ENTR1: variants seen among roughly 807,000 people sequenced by gnomAD.
ENTR1 encodes the protein endosome associated trafficking regulator 1, also known as endosome-associated-trafficking regulator 1.
In ENTR1, 47 loss-of-function variants were observed where a neutral mutation model predicts 47.9. The ratio of observed to expected loss-of-function variants is 0.98; its 90% CI spans 0.78 to 1.25. The LOEUF (loss-of-function observed/expected upper bound fraction) is 1.25, where lower values mean the gene tolerates loss of function less well. Among genes scored for constraint, ENTR1 ranks in the 50% most tolerant of loss-of-function variants. ENTR1 has a pLI of 0.00. For missense variants in ENTR1, 668 were observed against 570.5 expected (o/e 1.17, Z -1.74); for synonymous variants, 290 against 245.8 (o/e 1.18, Z -1.68).
Position 136,410,244 on chromosome 9 carries a change from A to G in ENTR1, c.71-5T>C. The G allele has an allele frequency of 6.4e-7, 1 of 1,568,164 alleles. No homozygotes were observed. The highest frequency in any genetic ancestry group is 1.2e-5 in the South Asian group (1 of 85,806). Reference sequence around the variant, plus strand: ...GGCGCTCATAGAACGCTGGAGCTGGAAGCAACGACAACAGCGACTTTACTG... The same window carrying G: ...GGCGCTCATAGAACGCTGGAGCTGGGAGCAACGACAACAGCGACTTTACTG... On this transcript the variant is annotated splice_polypyrimidine_tract_variant and splice_region_variant and intron_variant, in intron 1 of 9. Transcript: ENST00000357365.
chr9:136,405,514 G>A lies in ENTR1; in HGVS notation c.894-312C>T, dbSNP rs1436384078. Among the ~76,000 whole-genome samples the A allele has an allele frequency of 2.6e-5, 4 of 152,240 alleles. No individual in the cohort carries two copies. In the East Asian group the frequency reaches 7.7e-4, roughly 29 times the overall value. The stretch of plus-strand genomic sequence containing the variant: ...ACACTTTAGGAGCCTGAGGCAGGAG[G>A]ATTCCTTGAGCCGAGGAGTTTGAGA... On this transcript the variant is annotated intron_variant, in intron 6 of 9. Coordinates refer to ENST00000357365, the MANE Select transcript of ENTR1 (RefSeq NM_001039707.2).
chr9:136,403,079 G>C (rs1437048572), intron 9 of ENTR1, among the ~76,000 whole-genome samples, 192 bp from the exon 10 acceptor site: 9 of 122,012 alleles, frequency 7.4e-5, no homozygotes, highest in African/African-American at 2.6e-4. Context: ...TTTCCACAGG[G>C]GGTGGGGGGC....
chr9:136,409,864 G>A (rs1383929690), intron 2 of ENTR1: 1 of 690,478 alleles, frequency 1.4e-6, no homozygotes. Flanking sequence ...TGTGCTCCCC[G>A]GGCACTAACC....
intron 9 of ENTR1, 74 bp downstream of exon 9, chr9:136,403,981 C>T (rs537958106): frequency 6.7e-7 from 1 of 1,487,966 alleles, no homozygotes. Context: ...TGGGCCCCCA[C>T]CCAGGATCAC....
intron 5 of ENTR1, 96 bp from the exon 6 acceptor site, chr9:136,406,074 G>C (rs1327178250): frequency 1.2e-6 from 1 of 803,066 alleles, no homozygotes; most frequent in Non-Finnish European, 2.0e-6. Flanking sequence ...CTGATAAGCA[G>C]AGATGCTGGG....
chr9:136,410,310 G>GGCCCCT lies in ENTR1; in HGVS notation c.70+12_70+17dup, dbSNP rs1835038801. 2 of 1,549,650 alleles carry GGCCCCT rather than the reference G, an allele frequency of 1.3e-6. No individual in the cohort carries two copies. Among genetic ancestry groups the GGCCCCT allele is most frequent in the East Asian group, 4.9e-5 (2 of 40,902 alleles). The stretch of plus-strand genomic sequence containing the variant: ...GCCGCCCACCTGGACCGCTGGACTC[G>GGCCCCT]GCCCCTGCCCCGCTCACCGTCGGGA... On this transcript the variant is annotated intron_variant, in intron 1 of 9. Coordinates refer to ENST00000357365, the MANE Select transcript of ENTR1 (RefSeq NM_001039707.2).
At position 136,410,525 on chromosome 9, in the gene ENTR1, G is replaced by A. The variant is rs968257859; in HGVS notation, c.-128C>T. 16 of 1,034,488 alleles carry A rather than the reference G, an allele frequency of 1.5e-5. No individual in the cohort carries two copies. The highest frequency in any genetic ancestry group is 1.6e-5 in the Non-Finnish European group (13 of 828,714). The allele number at this position is 1,034,488 out of a possible 1,614,324, so 64.1% of individuals were successfully genotyped here. ...CGCCCCCGTCGCCCGCCGCTCGGCC[G>A]CCCCCGCGCCTCCGAGCCTCTCGCC... is the stretch of plus-strand genomic sequence containing the variant. On this transcript the variant is annotated 5_prime_UTR_variant, in exon 1 of 10. Transcript: ENST00000357365.
At chr9:136,405,228 T>TAA in intron 6 of ENTR1, 26 bp from the exon 7 acceptor site, 1 of 1,566,272 alleles carries the variant, frequency 6.4e-7, no homozygotes, top group South Asian at 1.1e-5. Context: ...CCCGAGTTGT[T>TAA]AATTTCTGTG....
At position 136,404,731 on chromosome 9, in the gene ENTR1, T is replaced by G. The variant is rs754964473; in HGVS notation, c.1006-38A>C. On this transcript the variant is annotated intron_variant, in intron 7 of 9. Transcript: ENST00000357365. ...AAAGAAAAACCACAAAAAGCATCAC[T>G]GATGTCCTCACATTCATACCGGACA... The G allele has an allele frequency of 5.0e-6, 8 of 1,607,200 alleles. No homozygotes were observed. In the East Asian group the frequency reaches 1.8e-4, roughly 36 times the overall value.
At position 136,405,945 on chromosome 9, in the gene ENTR1, G is replaced by A; in HGVS notation, c.853C>T (p.Leu285=). 4 of 1,607,886 alleles carry A rather than the reference G, an allele frequency of 2.5e-6. No individual in the cohort carries two copies. The highest frequency in any genetic ancestry group is 3.4e-6 in the Non-Finnish European group (4 of 1,177,592). The part of the protein sequence containing the change: ...KDENSKLRRK[L]NEVQSFSEAQ... ...TCAGAGAAGCTCTGAACCTCATTCA[G>A]CTTTCTTCTCAGCTTAGAATTTTCA... Residue 285 remains leucine, a synonymous_variant, in exon 6 of 10, where the codon CTG becomes TTG. Coordinates refer to ENST00000357365, the MANE Select transcript of ENTR1 (RefSeq NM_001039707.2).
In ENTR1 at chr9:136,410,494, G is replaced by A; in HGVS notation, c.-97C>T. The A allele has an allele frequency of 4.2e-6, 4 of 956,426 alleles. No individual in the cohort carries two copies. The highest frequency in any genetic ancestry group is 5.1e-6 in the Non-Finnish European group (4 of 789,044). The allele number at this position is 956,426 out of a possible 1,614,324, so 59.2% of individuals were successfully genotyped here. ...GCCGCGGCCCGCGTCGCCCGCCCCC[G>A]TCGCCCGCCCCCGTCGCCCGCCGCT... On this transcript the variant is annotated 5_prime_UTR_variant, in exon 1 of 10. The change creates a new upstream start codon in the 5' untranslated region. Coordinates refer to ENST00000357365, the MANE Select transcript of ENTR1 (RefSeq NM_001039707.2).
At position 136,407,273 on chromosome 9, in the gene ENTR1, C is replaced by T. The variant is rs1181303088; in HGVS notation, c.691G>A (p.Ala231Thr). 1 of 1,612,922 alleles carries T rather than the reference C, an allele frequency of 6.2e-7. No homozygotes were observed. Among genetic ancestry groups the T allele is most frequent in the South Asian group, 1.1e-5 (1 of 91,052 alleles). Residue 231 changes from alanine (A) to threonine (T), a missense_variant, in exon 5 of 10, where the codon GCG becomes ACG. By Grantham distance (58) the Ala-to-Thr change is moderately conservative. Transcript: ENST00000357365. ...ACGCGAGAATCAGTGTCACTCAACG[C>T]CCACGAGGGCAGAGACTCAGGCCCT... ...LAGPESLPSW[A>T]LSDTDSRVSP...
In ENTR1 at chr9:136,405,163, G is replaced by T; in HGVS notation, c.933C>A (p.Ile311=). The change falls in exon 7 of 10, where the codon ATC becomes ATA. Residue 311 remains isoleucine, a synonymous_variant. Transcript: ENST00000357365. ...TLERKLEAKM[I]KEESDYHDLE... is the part of the protein sequence containing the mutation. ...GGTCGTGGTAGTCGCTTTCCTCCTTGATCATTTTTGCTTCTAACTTCCGCT... is the reference window on the plus strand; with the variant it reads ...GGTCGTGGTAGTCGCTTTCCTCCTTTATCATTTTTGCTTCTAACTTCCGCT... 1 of 1,613,994 alleles carries T rather than the reference G, an allele frequency of 6.2e-7. No homozygotes were observed. The highest frequency in any genetic ancestry group is 1.1e-5 in the South Asian group (1 of 91,074).
At chr9:136,406,130 C>T (rs770769099) in intron 5 of ENTR1, 152 bp from the exon 6 acceptor site, 35 of 495,724 alleles carry the variant, frequency 7.1e-5, no homozygotes, top group Non-Finnish European at 1.0e-4. Context: ...AGACCACAGA[C>T]GGAGGCAGGC....
At position 136,407,095 on chromosome 9, in the gene ENTR1, A is replaced by G. The variant is rs1588790224; in HGVS notation, c.819+50T>C. On this transcript the variant is annotated intron_variant, in intron 5 of 9. Transcript: ENST00000357365. ...GATGGCTCCAGGTTCTCCCCGGGAG[A>G]AGCCGCTCGGACAGGCGCTGTGCCA... 6 of 1,521,844 alleles carry G rather than the reference A, an allele frequency of 3.9e-6. No individual in the cohort carries two copies. In the East Asian group the frequency reaches 1.4e-4, roughly 35 times the overall value. 94.3% of individuals were successfully genotyped at this position (1,521,844 alleles called of 1,614,324 possible). A position where few individuals can be genotyped will look rare whatever the true frequency, so the allele number is the denominator to read the frequency against.
chr9:136,408,319 C>T (rs1262274420), intron 3 of ENTR1, among the ~76,000 whole-genome samples: 3 of 117,704 alleles, frequency 2.5e-5, no homozygotes, highest in East Asian at 2.2e-4. Flanking sequence ...GTGGCTCACG[C>T]CTGTACCCCA....
chr9:136,410,605 C>A lies in ENTR1; in HGVS notation c.-208G>T. On this transcript the variant is annotated 5_prime_UTR_variant, in exon 1 of 10. Coordinates refer to ENST00000357365, the MANE Select transcript of ENTR1 (RefSeq NM_001039707.2). ...GTGCCTGAACGCCTTGGGCCGTCGG[C>A]GAGGGGGAGGGGAAGCCGTGGGCGG... is the stretch of plus-strand genomic sequence containing the variant. 1.6e-6 allele frequency: 2 copies of A among 1,287,634 alleles called. No homozygotes were observed. Among genetic ancestry groups the A allele is most frequent in the Non-Finnish European group, 2.0e-6 (2 of 1,011,488 alleles). 79.8% of individuals were successfully genotyped at this position (1,287,634 alleles called of 1,614,324 possible). A position where few individuals can be genotyped will look rare whatever the true frequency, so the allele number is the denominator to read the frequency against.
intron 3 of ENTR1, 117 bp from the exon 4 acceptor site, chr9:136,408,055 G>C: frequency 1.5e-6 from 1 of 671,366 alleles, no homozygotes. Flanking sequence ...AGCCACGCTT[G>C]TCATTCTACC....
rs779864138 is a variant in ENTR1 at position 136,407,242 on chromosome 9, G to A, written c.722C>T (p.Pro241Leu). 15 of 1,612,992 alleles carry A rather than the reference G, an allele frequency of 9.3e-6. No homozygotes were observed. Among genetic ancestry groups the A allele is most frequent in the South Asian group, 5.5e-5 (5 of 91,084 alleles). The change falls in exon 5 of 10, where the codon CCG becomes CTG. Residue 241 changes from proline (P) to leucine (L), a missense_variant. By Grantham distance (98) the Pro-to-Leu change is moderately conservative (BLOSUM62 -3). Transcript: ENST00000357365. ...ALSDTDSRVS[P>L]ASPAGSPSAD... Reference sequence around the variant, plus strand: ...GCTAGGACTCCCTGCCGGAGAGGCCGGAGACACGCGAGAATCAGTGTCACT... The same window carrying A: ...GCTAGGACTCCCTGCCGGAGAGGCCAGAGACACGCGAGAATCAGTGTCACT...
Sources: gnomAD v4.1 joint callset for allele counts (sites outside exome capture counted in the v4.1 genomes callset) on GRCh38, gnomAD v4.1.1 for gene constraint, MANE v1.5 for transcripts, NCBI Gene and HGNC (gene_info 2026-07-23, HGNC 2026-07-21) for gene names.